The following SPHKAP variants were observed in gnomAD, a reference collection of about 807,000 sequenced individuals.
The protein encoded by SPHKAP is SPHK1 interactor, AKAP domain containing.
In SPHKAP, 67 loss-of-function variants were observed where a neutral mutation model predicts 137.5. The observed-to-expected ratio is 0.49, with a 90% CI of 0.40 to 0.60. SPHKAP has a LOEUF of 0.60. Ranked by LOEUF, SPHKAP falls within the 20% of genes least tolerant of loss-of-function variation. The probability of loss-of-function intolerance (pLI) is 0.00; values close to 1 mark genes in which losing one functional copy is unlikely to be tolerated. For synonymous variants in SPHKAP, 813 were observed against 785.3 expected (o/e 1.04, Z -0.59); for missense variants, 2,097 against 2,069.3 (o/e 1.01, Z -0.26).
chr2:228,069,471 G>T (rs1450769467), intron 3 of SPHKAP, among the ~76,000 whole-genome samples: 4 of 141,528 alleles, frequency 2.8e-5, no homozygotes, highest in Admixed American at 7.0e-5. Context: ...TTTTAGAGAT[G>T]GGGGGGTCTC....
At chr2:228,107,697 T>A (rs1216745260) in intron 3 of SPHKAP, among the ~76,000 whole-genome samples, 1 of 152,174 alleles carries the variant, frequency 6.6e-6, no homozygotes, top group East Asian at 1.9e-4. Context: ...TATGGCTGTG[T>A]AACTAGAGAT....
intron 3 of SPHKAP, among the ~76,000 whole-genome samples, chr2:228,048,879 T>C (rs550202356): frequency 1.2e-4 from 19 of 152,332 alleles, no homozygotes; most frequent in Non-Finnish European, 2.4e-4. Context: ...CAGTTTCTTA[T>C]AGATGTGTGT....
intron 3 of SPHKAP, among the ~76,000 whole-genome samples, chr2:228,048,347 G>T (rs1696138467): frequency 7.2e-6 from 1 of 138,398 alleles, no homozygotes; most frequent in South Asian, 2.6e-4. Context: ...AAACGGGGGG[G>T]TGGAGATGGG....
chr2:228,014,334 G>A (rs1299355600), intron 7 of SPHKAP, among the ~76,000 whole-genome samples: 1 of 152,128 alleles, frequency 6.6e-6, no homozygotes, highest in Non-Finnish European at 1.5e-5. Context: ...GAATTCTAAA[G>A]AATTACACAT....
intron 3 of SPHKAP, among the ~76,000 whole-genome samples, chr2:228,102,700 T>C (rs1241768119): frequency 6.6e-6 from 1 of 152,142 alleles, no homozygotes; most frequent in East Asian, 1.9e-4. Flanking sequence ...CCACTTCAAG[T>C]TTAGCCTTCA....
chr2:228,074,856 G>T (rs1697124842), intron 3 of SPHKAP, among the ~76,000 whole-genome samples: 1 of 150,480 alleles, frequency 6.6e-6, no homozygotes, highest in South Asian at 2.1e-4. Context: ...TTTCTCTCCT[G>T]TTTTCCCCAA....
At chr2:228,058,541 G>T (rs143990103) in intron 3 of SPHKAP, among the ~76,000 whole-genome samples, 2 of 152,008 alleles carry the variant, frequency 1.3e-5, no homozygotes, top group Non-Finnish European at 2.9e-5. Flanking sequence ...CCCCGATCCC[G>T]CTGTTAACGT....
intron 1 of SPHKAP, among the ~76,000 whole-genome samples, chr2:228,136,974 C>G (rs1053768228): frequency 6.6e-6 from 1 of 152,058 alleles, no homozygotes; most frequent in African/African-American, 2.4e-5. Context: ...CTGGTACCTC[C>G]CTTCTCTCTT....
intron 1 of SPHKAP, among the ~76,000 whole-genome samples, chr2:228,158,004 G>A (rs535122151): frequency 4.6e-5 from 7 of 152,320 alleles, no homozygotes; most frequent in East Asian, 1.9e-4. Context: ...GGGCACAACA[G>A]CATGTCAAGC....
chr2:228,029,342 T>C (rs1695193370), intron 3 of SPHKAP, among the ~76,000 whole-genome samples: 1 of 152,200 alleles, frequency 6.6e-6, no homozygotes, highest in African/African-American at 2.4e-5. Flanking sequence ...AGTCCATCTT[T>C]TTTCTTTTTG....
rs535401066 is a variant in SPHKAP, at chr2:228,132,227, A to G, written c.33-142T>C. 1.4e-4 allele frequency: 100 copies of G among 732,188 alleles called. 1 individual carries two copies. In the South Asian group the frequency reaches 1.7e-3, roughly 12 times the overall value. The allele number at this position is 732,188 out of a possible 1,614,324, so 45.4% of individuals were successfully genotyped here. Reference sequence around the variant, plus strand: ...AAACACTGCAAATCCCCCTGCTGAAATGGACATTTCTTTGTTGCATACACT... The same window carrying G: ...AAACACTGCAAATCCCCCTGCTGAAGTGGACATTTCTTTGTTGCATACACT... On this transcript the variant is annotated intron_variant, in intron 1 of 11. Coordinates refer to ENST00000392056, the MANE Select transcript of SPHKAP (RefSeq NM_001142644.2).
chr2:228,171,007 T>C (rs934156847), intron 1 of SPHKAP, among the ~76,000 whole-genome samples: 4 of 152,148 alleles, frequency 2.6e-5, no homozygotes, highest in African/African-American at 9.6e-5. Context: ...ACTGCTGTTA[T>C]AATTGAGCTT....
At chr2:228,147,987 C>G (rs993762525) in intron 1 of SPHKAP, among the ~76,000 whole-genome samples, 4 of 152,150 alleles carry the variant, frequency 2.6e-5, no homozygotes, top group African/African-American at 9.7e-5. Flanking sequence ...ATTTGGAATC[C>G]GAACCTAGAC....
intron 3 of SPHKAP, among the ~76,000 whole-genome samples, chr2:228,097,058 C>T (rs1447749373): frequency 6.6e-6 from 1 of 152,074 alleles, no homozygotes; most frequent in Admixed American, 6.5e-5. Context: ...ACATGTTAAT[C>T]CAAACAAATA....
Position 228,004,860 on chromosome 2 carries a change from A to T in SPHKAP, c.4449-9166T>A, listed in dbSNP as rs888296843. 9.2e-5 allele frequency among the ~76,000 whole-genome samples: 14 copies of T among 151,938 alleles called. No individual in the cohort carries two copies. In the East Asian group the frequency reaches 1.7e-3, roughly 19 times the overall value. ...ACGTTGTTCAGTTTCCATGTAGTTG[A>T]TTGGTTTTGAGTGAGTTTCTTAATC... is the stretch of plus-strand genomic sequence containing the variant. On this transcript the variant is annotated intron_variant, in intron 7 of 11. Coordinates refer to ENST00000392056, the MANE Select transcript of SPHKAP (RefSeq NM_001142644.2).
chr2:228,093,268 A>G (rs1471164609), intron 3 of SPHKAP, among the ~76,000 whole-genome samples: 2 of 152,216 alleles, frequency 1.3e-5, no homozygotes, highest in Admixed American at 6.5e-5. Context: ...TAGTACCAGC[A>G]ATTCTACTTC....
intron 7 of SPHKAP, among the ~76,000 whole-genome samples, chr2:228,002,735 A>G (rs1365116101): frequency 3.3e-5 from 5 of 152,128 alleles, no homozygotes; most frequent in Non-Finnish European, 4.4e-5. Flanking sequence ...ATCTTGAATT[A>G]ATTTTTGTAT....
At chr2:228,105,207 A>C (rs1248824577) in intron 3 of SPHKAP, among the ~76,000 whole-genome samples, 1 of 152,146 alleles carries the variant, frequency 6.6e-6, no homozygotes, top group Non-Finnish European at 1.5e-5. Context: ...GCCTTAAGAA[A>C]TTCTCCTGCC....
At chr2:228,004,298 A>T (rs1694038236) in intron 7 of SPHKAP, among the ~76,000 whole-genome samples, 2 of 152,102 alleles carry the variant, frequency 1.3e-5, no homozygotes, top group South Asian at 4.2e-4. Context: ...GAGAGGGTGT[A>T]TGTGTTGAGG....
Sources: allele counts gnomAD v4.1 joint callset (sites outside exome capture counted in the v4.1 genomes callset), GRCh38; gene constraint gnomAD v4.1.1; transcripts MANE v1.5; gene names NCBI Gene and HGNC (gene_info 2026-07-23, HGNC 2026-07-21).